Variants in LYN observed in about 807,000 individuals in gnomAD.
The protein encoded by LYN is tyrosine-protein kinase Lyn.
Under a neutral mutation model 65.0 loss-of-function variants are expected in LYN, and 12 were observed. The observed-to-expected ratio is 0.18, with a 90% confidence interval of 0.12 to 0.30. The LOEUF (loss-of-function observed/expected upper bound fraction) is 0.30. Among genes scored for constraint, LYN ranks in the 10% least tolerant of loss-of-function variants. LYN has a pLI of 1.00. For missense variants in LYN, 380 were observed against 623.2 expected (o/e 0.61, Z 4.16); for synonymous variants, 222 against 221.2 (o/e 1.00, Z -0.03).
chr8:55,934,578 C>G (rs942667401), intron 1 of LYN, among the ~76,000 whole-genome samples: 2 of 152,186 alleles, frequency 1.3e-5, no homozygotes, highest in Admixed American at 6.5e-5. Flanking sequence ...CTCCTGGAAA[C>G]CTTGACAGGC....
intron 8 of LYN, among the ~76,000 whole-genome samples, chr8:55,962,417 A>G (rs1032903620): frequency 1.3e-5 from 2 of 151,858 alleles, no homozygotes; most frequent in Non-Finnish European, 2.9e-5. Flanking sequence ...GGTGAGATGC[A>G]TCCGTGCTTT....
intron 10 of LYN, among the ~76,000 whole-genome samples, chr8:55,978,832 G>T (rs924683316): frequency 2.6e-5 from 4 of 152,114 alleles, no homozygotes; most frequent in African/African-American, 9.7e-5. Flanking sequence ...TGGTTTGGGT[G>T]GAAGCCAAGC....
At chr8:55,959,856 C>T (rs567038404) in intron 8 of LYN, among the ~76,000 whole-genome samples, 1 of 152,012 alleles carries the variant, frequency 6.6e-6, no homozygotes, top group African/African-American at 2.4e-5. Context: ...ACATGGATGC[C>T]ATGCTGTTTT....
intron 8 of LYN, among the ~76,000 whole-genome samples, chr8:55,957,624 A>G (rs1328865169): frequency 6.6e-6 from 1 of 152,190 alleles, no homozygotes; most frequent in Non-Finnish European, 1.5e-5. Context: ...TGAGTGAATT[A>G]TTTCTTAGTA....
rs1805586123 is a variant in LYN, at chr8:55,911,032, G to T, written c.-5-30823G>T. Among the ~76,000 whole-genome samples the T allele has an allele frequency of 1.4e-5, 2 of 142,554 alleles. 1 individual carries two copies. The highest frequency in any genetic ancestry group is 1.4e-4 in the Admixed American group (2 of 13,962). The allele number at this position is 142,554 out of a possible 152,430, so 93.5% of individuals were successfully genotyped here. A position where few individuals can be genotyped will look rare whatever the true frequency, so the allele number is the denominator to read the frequency against. The stretch of plus-strand genomic sequence containing the variant: ...CTGCCTCAGCCTACCAGGTAGCTGG[G>T]CCTACAGGCGCCCACCTCCATGTCC... On this transcript the variant is annotated intron_variant, in intron 1 of 12. Coordinates refer to ENST00000519728, the MANE Select transcript of LYN (RefSeq NM_002350.4).
intron 1 of LYN, among the ~76,000 whole-genome samples, chr8:55,908,692 C>T (rs1436967689): frequency 6.6e-6 from 1 of 151,898 alleles, no homozygotes; most frequent in Non-Finnish European, 1.5e-5. Flanking sequence ...TAACCATCAT[C>T]TGAGTAGCAC....
chr8:55,989,346 C>T (rs1019529476), intron 10 of LYN, among the ~76,000 whole-genome samples: 12 of 152,146 alleles, frequency 7.9e-5, no homozygotes, highest in African/African-American at 1.4e-4. Flanking sequence ...CTATCAAACC[C>T]GCATAAAAGA....
Position 56,010,469 on chromosome 8 carries a change from T to A in LYN, c.*359T>A. On this transcript the variant is annotated 3_prime_UTR_variant, in exon 13 of 13. Transcript: ENST00000519728. ...TAGGACTCAAAGTTTCAGAGACCAT[T>A]GCAATGAATCCCCAATAATTGCAGA... 3.3e-6 allele frequency: 1 copy of A among 306,532 alleles called. No homozygotes were observed. The highest frequency in any genetic ancestry group is 6.2e-6 in the Non-Finnish European group (1 of 160,946). The allele number at this position is 306,532 out of a possible 1,614,324, so 19.0% of individuals were successfully genotyped here.
chr8:55,903,782 G>C (rs1805346910), intron 1 of LYN, among the ~76,000 whole-genome samples: 1 of 152,182 alleles, frequency 6.6e-6, no homozygotes, highest in Non-Finnish European at 1.5e-5. Flanking sequence ...GGGAGGCCAA[G>C]GTAGGAGGAT....
intron 12 of LYN, among the ~76,000 whole-genome samples, chr8:56,004,694 A>G (rs543168570): frequency 3.3e-5 from 5 of 152,368 alleles, no homozygotes; most frequent in African/African-American, 1.2e-4. Flanking sequence ...TTTGCTGCAT[A>G]TAGTTCTAAA....
chr8:55,950,132 C>T (rs1446788938), intron 4 of LYN, among the ~76,000 whole-genome samples: 2 of 152,206 alleles, frequency 1.3e-5, no homozygotes, highest in East Asian at 1.9e-4. Context: ...AGTAATACTC[C>T]ACTGGATGGA....
chr8:55,952,398 GA>G (rs376974174), intron 7 of LYN, among the ~76,000 whole-genome samples: 1,746 of 144,302 alleles, frequency 0.012, 29 homozygotes, highest in African/African-American at 0.036. Context: ...ATCTCTACTA[GA>G]AAAAAAAAAA....
chr8:55,907,922 T>C (rs1394325715), intron 1 of LYN, among the ~76,000 whole-genome samples: 1 of 152,142 alleles, frequency 6.6e-6, no homozygotes, highest in East Asian at 1.9e-4. Context: ...TAAAAATGTA[T>C]ATCTAAATAA....
At chr8:55,940,834 T>G (rs914445912) in intron 1 of LYN, among the ~76,000 whole-genome samples, 1 of 152,206 alleles carries the variant, frequency 6.6e-6, no homozygotes, top group Admixed American at 6.5e-5. Context: ...TGTTTAGATG[T>G]GCACCGTGTG....
In LYN at chr8:56,008,128, AT is replaced by A. The variant is rs202164639; in HGVS notation, c.1337-1779del. ...AGGGAGACTCTGCCTCAAAAAAAAA[AT>A]AAAATAAAATAAAATAAAATAAAAT... On this transcript the variant is annotated intron_variant, in intron 12 of 12. Coordinates refer to ENST00000519728, the MANE Select transcript of LYN (RefSeq NM_002350.4). Among the ~76,000 whole-genome samples, 666 of 125,838 alleles carry A rather than the reference AT, an allele frequency of 5.3e-3. 5 individuals are homozygous for A. The highest frequency in any genetic ancestry group is 9.0e-3 in the African/African-American group (324 of 35,820). 82.6% of individuals were successfully genotyped at this position (125,838 alleles called of 152,430 possible). A position where few individuals can be genotyped will look rare whatever the true frequency, so the allele number is the denominator to read the frequency against.
At chr8:55,980,124 C>T (rs758919184) in intron 10 of LYN, 2 of 152,640 alleles carry the variant, frequency 1.3e-5, no homozygotes, top group Admixed American at 6.5e-5. Flanking sequence ...CTGCCCAGCC[C>T]TCCTCACTCA....
At chr8:55,933,075 A>C (rs543042437) in intron 1 of LYN, among the ~76,000 whole-genome samples, 3 of 152,210 alleles carry the variant, frequency 2.0e-5, no homozygotes, top group Admixed American at 6.5e-5. Context: ...CAACATACCC[A>C]TGTAACAAAC....
At chr8:55,888,825 A>G (rs1804873173) in intron 1 of LYN, among the ~76,000 whole-genome samples, 1 of 151,914 alleles carries the variant, frequency 6.6e-6, no homozygotes, top group South Asian at 2.1e-4. Context: ...GGATTTGGCC[A>G]CCACGCCTGG....
intron 10 of LYN, among the ~76,000 whole-genome samples, chr8:55,990,239 CAAAAAAA>C (rs34461698): frequency 1.3e-4 from 6 of 45,402 alleles, no homozygotes; most frequent in Admixed American, 3.0e-4. Flanking sequence ...ACTCTGCCTC[CAAAAAAA>C]AAAAAAAAAA....
Sources: gnomAD v4.1 joint callset for allele counts (sites outside exome capture counted in the v4.1 genomes callset) on GRCh38, gnomAD v4.1.1 for gene constraint, MANE v1.5 for transcripts, NCBI Gene and HGNC (gene_info 2026-07-23, HGNC 2026-07-21) for gene names.